The following PSRC1 variants were observed in gnomAD, a reference collection of about 807,000 sequenced individuals.
The protein encoded by PSRC1 is proline/serine-rich coiled-coil protein 1.
A neutral mutation model predicts 31.9 loss-of-function variants in PSRC1; 30 were observed. The ratio of observed to expected loss-of-function variants is 0.94; its 90% CI spans 0.70 to 1.28. The LOEUF (loss-of-function observed/expected upper bound fraction) is 1.28, where lower values mean the gene tolerates loss of function less well. PSRC1 is among the 50% of genes most tolerant of loss of function. The pLI is 0.00. For synonymous variants in PSRC1, 191 were observed against 192.1 expected, an observed-to-expected ratio of 0.99 and a Z score of 0.05; for missense variants, 481 against 472.8, an observed-to-expected ratio of 1.02 and a Z score of -0.16.
chr1:109,282,507 G>C lies in PSRC1; in HGVS notation c.77+11C>G. On this transcript the variant is annotated intron_variant, in intron 3 of 6. Coordinates refer to ENST00000409138, the Ensembl canonical transcript of PSRC1. ...GTTAGAGGAAAATAAGTGGGATAAA[G>C]AGGCTGGTACCTGTCAGATGGTGAC... 1 of 1,611,812 alleles carries C rather than the reference G, an allele frequency of 6.2e-7. No homozygotes were observed. The highest frequency in any genetic ancestry group is 8.5e-7 in the Non-Finnish European group (1 of 1,178,400).
chr1:109,281,125 T>TG lies in PSRC1; in HGVS notation c.645dup (p.Arg216GlnfsTer57), dbSNP rs1484861775. On this transcript the variant is annotated frameshift_variant, in exon 5 of 7. Transcript: ENST00000409138. LOFTEE classifies it high-confidence loss of function. ...CCACTCACCCGCAACTTGGCTGCTC[T>TG]GGTCTCCTCACTGGCTGCTGCTCTC... is the stretch of plus-strand genomic sequence containing the variant. The TG allele has an allele frequency of 6.2e-6, 10 of 1,613,376 alleles. No individual in the cohort carries two copies. In the East Asian group the frequency reaches 2.2e-4, roughly 36 times the overall value.
chr1:109,281,674 C>T, exon 4 of PSRC1: 1 of 1,614,096 alleles, frequency 6.2e-7, no homozygotes, highest in Non-Finnish European at 8.5e-7. Flanking sequence ...CCTGACTGAC[C>T]CCTTCCTATC....
chr1:109,282,682 T>A (rs1320050230), exon 2 of PSRC1: 1 of 1,556,256 alleles, frequency 6.4e-7, no homozygotes. Flanking sequence ...TTCCTTACCT[T>A]CCTCCAAATC....
chr1:109,280,773 T>C lies in PSRC1; in HGVS notation c.994+4A>G. On this transcript the variant is annotated splice_donor_region_variant and intron_variant, in intron 5 of 6. Coordinates refer to ENST00000409138, the Ensembl canonical transcript of PSRC1. ...GGCGGGCATTCTTCCTCCTGACCTCTTACCCTTGTGTCCACTTTCCCGCAC... is the reference window on the plus strand; with the variant it reads ...GGCGGGCATTCTTCCTCCTGACCTCCTACCCTTGTGTCCACTTTCCCGCAC... 1 of 1,559,496 alleles carries C rather than the reference T, an allele frequency of 6.4e-7. No homozygotes were observed. Among genetic ancestry groups the C allele is most frequent in the Non-Finnish European group, 8.7e-7 (1 of 1,147,214 alleles).
chr1:109,282,191 T>A, intron 3 of PSRC1, 131 bp from the exon 4 acceptor site: 1 of 834,610 alleles, frequency 1.2e-6, no homozygotes, highest in Non-Finnish European at 1.8e-6. Flanking sequence ...ATGCTGGCTG[T>A]GAGATGTGGC....
At chr1:109,281,146 C>T in exon 5 of PSRC1, 1 of 1,613,584 alleles carries the variant, frequency 6.2e-7, no homozygotes, top group Non-Finnish European at 8.5e-7. Flanking sequence ...CTGGCTGCTG[C>T]TCTCCCACTG....
Position 109,280,388 on chromosome 1 carries a change from A to T in PSRC1, c.1088+8T>A. On this transcript the variant is annotated splice_region_variant and intron_variant, in intron 6 of 6. Coordinates refer to ENST00000409138, the Ensembl canonical transcript of PSRC1. Reference sequence around the variant, plus strand: ...GAGACAGGATGGGCAAGGGAGGACCAGACTGACCTGGTAGGTCCTGGGACT... The same window carrying T: ...GAGACAGGATGGGCAAGGGAGGACCTGACTGACCTGGTAGGTCCTGGGACT... 1 of 1,601,234 alleles carries T rather than the reference A, an allele frequency of 6.2e-7. No individual in the cohort carries two copies. The highest frequency in any genetic ancestry group is 1.1e-5 in the South Asian group (1 of 89,598).
chr1:109,281,193 G>A (rs540425626), exon 5 of PSRC1: 1 of 1,613,484 alleles, frequency 6.2e-7, no homozygotes, highest in Middle Eastern at 1.7e-4. Flanking sequence ...AGTCGATCGG[G>A]TAAGAGGAGA....
At chr1:109,282,956 C>T in intron 1 of PSRC1, 107 bp downstream of exon 1, 2 of 590,278 alleles carry the variant, frequency 3.4e-6, no homozygotes, top group Non-Finnish European at 6.0e-6. Flanking sequence ...GGCCTCTCCT[C>T]ACTGGGGGCG....
rs536764912 is a variant in PSRC1 at position 109,280,737 on chromosome 1, C to T, written c.994+40G>A. ...TGACAGCTCTGGGAGGGTGAGGACA[C>T]GCTGGGCAAGGGCGGGCATTCTTCC... On this transcript the variant is annotated intron_variant, in intron 5 of 6. Transcript: ENST00000409138. 2.2e-5 allele frequency: 33 copies of T among 1,494,224 alleles called. No individual in the cohort carries two copies. In the South Asian group the frequency reaches 2.4e-4, roughly 11 times the overall value. 92.6% of individuals were successfully genotyped at this position (1,494,224 alleles called of 1,614,324 possible).
At chr1:109,280,812 G>C (rs1178523849) in exon 5 of PSRC1, 1 of 1,602,892 alleles carries the variant, frequency 6.2e-7, no homozygotes, top group East Asian at 2.2e-5. Flanking sequence ...GTGTCCTGCA[G>C]TGCTTGGTCT....
At chr1:109,282,357 T>C in intron 3 of PSRC1, 161 bp downstream of exon 3, 1 of 656,326 alleles carries the variant, frequency 1.5e-6, no homozygotes, top group South Asian at 1.9e-5. Context: ...CTCTCCCCGC[T>C]ACCAATAGTG....
chr1:109,282,989 C>T (rs950332755), intron 1 of PSRC1, 74 bp downstream of exon 1: 16 of 569,470 alleles, frequency 2.8e-5, no homozygotes, highest in African/African-American at 2.4e-4. Flanking sequence ...CATCTTCCTC[C>T]CCGCCACTAT....
At chr1:109,281,210 T>C in exon 5 of PSRC1, 1 of 1,611,624 alleles carries the variant, frequency 6.2e-7, no homozygotes, top group Non-Finnish European at 8.5e-7. Flanking sequence ...GAGAAGATGC[T>C]GGGCTTTTGG....
chr1:109,279,658 A>G (rs1656725215), exon 7 of PSRC1: 1 of 161,712 alleles, frequency 6.2e-6, no homozygotes, highest in African/African-American at 2.4e-5. Flanking sequence ...AATTCACAGG[A>G]AACAATTTCT....
chr1:109,281,027 T>C, exon 5 of PSRC1: 1 of 1,612,394 alleles, frequency 6.2e-7, no homozygotes, highest in Non-Finnish European at 8.5e-7. Context: ...CCAGGACGGA[T>C]CTGATGGGGG....
chr1:109,281,834 C>G, exon 4 of PSRC1: 10 of 1,613,942 alleles, frequency 6.2e-6, no homozygotes, highest in Non-Finnish European at 7.6e-6. Context: ...GGCCCCAGGC[C>G]CTCGCCTGCG....
chr1:109,282,011 G>A lies in PSRC1; in HGVS notation c.127C>T (p.Arg43Ter), dbSNP rs755461671. ...TCACTTCGGTGGGAGAGGCCCCGTCGAAGTGGTTTCTCTGGAGTCACCAAC... is the reference window on the plus strand; with the variant it reads ...TCACTTCGGTGGGAGAGGCCCCGTCAAAGTGGTTTCTCTGGAGTCACCAAC... The change falls in exon 4 of 7, where the codon CGA (arginine) becomes TGA (stop). Residue 43 changes from arginine (R) to a stop codon, truncating the protein, a stop_gained. Transcript: ENST00000409138. LOFTEE classifies it high-confidence loss of function. 4.6e-6 allele frequency: 7 copies of A among 1,509,658 alleles called. No homozygotes were observed. Among genetic ancestry groups the A allele is most frequent in the East Asian group, 2.3e-5 (1 of 43,842 alleles). 93.5% of individuals were successfully genotyped at this position (1,509,658 alleles called of 1,614,324 possible). A position where few individuals can be genotyped will look rare whatever the true frequency, so the allele number is the denominator to read the frequency against.
chr1:109,282,823 A>G (rs2101414423), intron 1 of PSRC1, 87 bp from the exon 2 acceptor site: 1 of 1,347,120 alleles, frequency 7.4e-7, no homozygotes, highest in East Asian at 2.5e-5. Context: ...GTCGGGGGTC[A>G]TGCTGGAGGC....
Sources: gnomAD v4.1 joint callset for allele counts on GRCh38, gnomAD v4.1.1 for gene constraint, MANE v1.5 for transcripts, NCBI Gene and HGNC (gene_info 2026-07-23, HGNC 2026-07-21) for gene names.